Variants in GAB4 observed in about 807,000 individuals in gnomAD.
GAB4 encodes the protein GRB2 associated binding protein family member 4.
A neutral mutation model predicts 51.3 loss-of-function variants in GAB4; 26 were observed. The observed-to-expected ratio is 0.51, with a 90% CI of 0.37 to 0.70. The LOEUF is 0.70. GAB4 is among the 30% of genes least tolerant of loss of function. The pLI is 0.00. For synonymous variants in GAB4, 329 were observed against 291.2 expected (o/e 1.13, Z -1.32); for missense variants, 759 against 734.6 (o/e 1.03, Z -0.38).
chr22:16,997,965 G>A (rs189816643), intron 1 of GAB4, among the ~76,000 whole-genome samples: 79 of 152,240 alleles, frequency 5.2e-4, no homozygotes, highest in African/African-American at 1.7e-3. Context: ...TAAATGTGTG[G>A]TATTATTTCT....
intron 1 of GAB4, among the ~76,000 whole-genome samples, chr22:16,996,470 A>T (rs1241489265): frequency 2.0e-5 from 3 of 151,860 alleles, no homozygotes; most frequent in Non-Finnish European, 2.9e-5. Flanking sequence ...CCACCATGAT[A>T]CTCCTCGAGA....
intron 3 of GAB4, among the ~76,000 whole-genome samples, chr22:16,973,717 A>G (rs1308235721): frequency 6.6e-6 from 1 of 152,184 alleles, no homozygotes; most frequent in Non-Finnish European, 1.5e-5. Context: ...CTGGGCTCCC[A>G]TCAGCACATG....
intron 3 of GAB4, among the ~76,000 whole-genome samples, chr22:16,982,686 G>T (rs1413447878): frequency 2.6e-5 from 4 of 152,126 alleles, no homozygotes; most frequent in Admixed American, 2.6e-4. Flanking sequence ...ACAAGAATCA[G>T]AACAGCCAAA....
intron 3 of GAB4, among the ~76,000 whole-genome samples, chr22:16,987,495 AAATTT>A (rs1398311916): frequency 1.3e-5 from 2 of 152,240 alleles, no homozygotes; most frequent in Non-Finnish European, 2.9e-5. Context: ...ACTGAACTCG[AAATTT>A]AATTTAATTT....
At chr22:16,969,129 T>C (rs1425584569) in intron 4 of GAB4, among the ~76,000 whole-genome samples, 2 of 152,238 alleles carry the variant, frequency 1.3e-5, no homozygotes, top group African/African-American at 4.8e-5. Flanking sequence ...GGAAAACAAA[T>C]GAGAAAAGAA....
chr22:17,002,767 G>A (rs191014928), intron 1 of GAB4, among the ~76,000 whole-genome samples: 134 of 152,132 alleles, frequency 8.8e-4, no homozygotes, highest in African/African-American at 3.2e-3. Flanking sequence ...CATGGCACAC[G>A]TATACATATG....
At chr22:17,004,787 C>T (rs562494132) in intron 1 of GAB4, among the ~76,000 whole-genome samples, 59 of 152,198 alleles carry the variant, frequency 3.9e-4, no homozygotes, top group African/African-American at 1.2e-3. Flanking sequence ...AACAGGCCTT[C>T]GATAAAATTC....
At chr22:16,962,900 G>T (rs751098035) in intron 9 of GAB4, 24 bp from the exon 10 acceptor site, 8 of 1,601,896 alleles carry the variant, frequency 5.0e-6, no homozygotes, top group African/African-American at 1.3e-5. Context: ...GGTGGAAGTG[G>T]GAGTGGCAGT....
intron 3 of GAB4, among the ~76,000 whole-genome samples, chr22:16,982,539 C>T (rs1274717768): frequency 6.6e-6 from 1 of 152,080 alleles, no homozygotes; most frequent in Non-Finnish European, 1.5e-5. Flanking sequence ...GGAACAATAT[C>T]ACATGATCAT....
At chr22:17,007,382 G>A (rs1199438966) in intron 1 of GAB4, among the ~76,000 whole-genome samples, 1 of 152,230 alleles carries the variant, frequency 6.6e-6, no homozygotes, top group Admixed American at 6.5e-5. Context: ...TGGCATGGAA[G>A]GACGCGAACG....
chr22:16,964,528 G>A (rs369375398), intron 8 of GAB4, among the ~76,000 whole-genome samples: 1 of 152,278 alleles, frequency 6.6e-6, no homozygotes, highest in African/African-American at 2.4e-5. Context: ...TCATGAGGGC[G>A]AGGTGGGCTG....
intron 3 of GAB4, among the ~76,000 whole-genome samples, chr22:16,981,156 T>C (rs1225617533): frequency 6.7e-6 from 1 of 150,078 alleles, no homozygotes; most frequent in East Asian, 1.9e-4. Flanking sequence ...TAAAGTATAA[T>C]AAAAATAAAT....
chr22:16,990,117 T>C (rs534323420), intron 2 of GAB4, among the ~76,000 whole-genome samples: 8 of 152,346 alleles, frequency 5.3e-5, no homozygotes, highest in African/African-American at 1.9e-4. Context: ...AACCATGTCC[T>C]GTCCTTATGG....
Position 16,966,052 on chromosome 22 carries a change from T to G in GAB4, c.1288+48A>C, listed in dbSNP as rs761249016. 10 of 1,576,770 alleles carry G rather than the reference T, an allele frequency of 6.3e-6. No homozygotes were observed. In the South Asian group the frequency reaches 1.1e-4, roughly 18 times the overall value. Reference sequence around the variant, plus strand: ...AGGATCCACCTGACACCTAAGCGAATGCAGAGTCCCTGGACATTGTCAAGA... The same window carrying G: ...AGGATCCACCTGACACCTAAGCGAAGGCAGAGTCCCTGGACATTGTCAAGA... On this transcript the variant is annotated intron_variant, in intron 6 of 9. Coordinates refer to ENST00000400588, the MANE Select transcript of GAB4 (RefSeq NM_001037814.1).
chr22:16,988,973 C>A (rs1449930667), intron 2 of GAB4, among the ~76,000 whole-genome samples: 1 of 152,088 alleles, frequency 6.6e-6, no homozygotes, highest in African/African-American at 2.4e-5. Flanking sequence ...CTTCAGGGAC[C>A]GACTTTCTTC....
chr22:16,990,018 C>T (rs2060900854), intron 2 of GAB4, among the ~76,000 whole-genome samples: 1 of 152,130 alleles, frequency 6.6e-6, no homozygotes. Context: ...GCCTGTGTTC[C>T]CTCTCGGTGA....
In GAB4 at chr22:16,987,948, G is replaced by A. The variant is rs780058726; in HGVS notation, c.686+12C>T. The A allele has an allele frequency of 6.9e-6, 11 of 1,583,908 alleles. No individual in the cohort carries two copies. Among genetic ancestry groups the A allele is most frequent in the Non-Finnish European group, 9.4e-6 (11 of 1,165,850 alleles). ...GGGGTCACTGCCCCCACTGGCCATA[G>A]TAGCCCCCTACCTTGCATGTTCTGC... On this transcript the variant is annotated intron_variant, in intron 3 of 9. Transcript: ENST00000400588.
In GAB4 at chr22:16,965,333, C is replaced by G. The variant is rs533054939; in HGVS notation, c.1289-65G>C. 4 of 1,321,970 alleles carry G rather than the reference C, an allele frequency of 3.0e-6. No homozygotes were observed. The Admixed American group carries it at 7.0e-5, about 23-fold the overall frequency. 81.9% of individuals were successfully genotyped at this position (1,321,970 alleles called of 1,614,324 possible). ...CACCACACCCATGTCCACTTTGCTACAAGGCCCAGGTGTGCTTAGAAAGGC... is the reference window on the plus strand; with the variant it reads ...CACCACACCCATGTCCACTTTGCTAGAAGGCCCAGGTGTGCTTAGAAAGGC... On this transcript the variant is annotated intron_variant, in intron 6 of 9. Coordinates refer to ENST00000400588, the MANE Select transcript of GAB4 (RefSeq NM_001037814.1).
chr22:16,964,722 A>G, intron 8 of GAB4, 44 bp downstream of exon 8: 1 of 1,388,416 alleles, frequency 7.2e-7, no homozygotes, highest in South Asian at 1.2e-5. Context: ...TGTGGGTCCC[A>G]GGGGACTCTG....
Sources: allele counts gnomAD v4.1 joint callset (sites outside exome capture counted in the v4.1 genomes callset), GRCh38; gene constraint gnomAD v4.1.1; transcripts MANE v1.5; gene names NCBI Gene and HGNC (gene_info 2026-07-23, HGNC 2026-07-21).